The following NKAIN2 variants were observed in gnomAD, a reference collection of about 807,000 sequenced individuals.
NKAIN2 encodes the protein sodium/potassium-transporting ATPase subunit beta-1-interacting protein 2.
NKAIN2 carries 14 observed loss-of-function variants against 32.6 expected under a neutral mutation model. The observed-to-expected ratio is 0.43, with a 90% CI of 0.28 to 0.67. The LOEUF (loss-of-function observed/expected upper bound fraction) is 0.67, where lower values mean the gene tolerates loss of function less well. Among genes scored for constraint, NKAIN2 ranks in the 30% least tolerant of loss-of-function variants. The pLI is 0.17. For synonymous variants in NKAIN2, 80 were observed against 87.2 expected, an observed-to-expected ratio of 0.92 and a Z score of 0.46; for missense variants, 198 against 258.3, an observed-to-expected ratio of 0.77 and a Z score of 1.60.
In NKAIN2 at chr6:124,007,066, G is replaced by T. The variant is rs147451961; in HGVS notation, c.54+202812G>T. On this transcript the variant is annotated intron_variant, in intron 1 of 6. Transcript: ENST00000368417. The stretch of plus-strand genomic sequence containing the variant: ...TACTTACAAAAACCTCAATGGAATT[G>T]CCTACTACACACCTAGGCTATATGG... Among the ~76,000 whole-genome samples the T allele has an allele frequency of 6.2e-3, 937 of 152,236 alleles. 5 individuals are homozygous for T. Among genetic ancestry groups the T allele is most frequent in the Admixed American group, 0.01 (156 of 15,292 alleles).
At chr6:124,381,182 A>C (rs968408910) in intron 3 of NKAIN2, among the ~76,000 whole-genome samples, 13 of 152,198 alleles carry the variant, frequency 8.5e-5, no homozygotes, top group Admixed American at 7.2e-4. Flanking sequence ...ATAAAAATGT[A>C]AAGCAGTGTC....
chr6:124,350,484 G>T (rs578214244), intron 2 of NKAIN2, among the ~76,000 whole-genome samples: 71 of 152,246 alleles, frequency 4.7e-4, no homozygotes, highest in African/African-American at 1.7e-3. Flanking sequence ...ATAAATGAGA[G>T]AAAATTAATG....
intron 1 of NKAIN2, among the ~76,000 whole-genome samples, chr6:123,959,925 ATGTGTGTGTGTGTGTGTGTG>A (rs6149793): frequency 5.7e-5 from 8 of 141,362 alleles, no homozygotes; most frequent in African/African-American, 1.6e-4. Context: ...TCTTCCATAT[ATGTGTGTGTGTGTGTGTGTG>A]TGTGTGTGTG....
At chr6:123,922,159 C>A (rs1775787791) in intron 1 of NKAIN2, among the ~76,000 whole-genome samples, 1 of 152,074 alleles carries the variant, frequency 6.6e-6, no homozygotes, top group African/African-American at 2.4e-5. Context: ...AGTCGTTATT[C>A]AAAAAACCAG....
At chr6:123,909,955 A>T (rs1418904141) in intron 1 of NKAIN2, among the ~76,000 whole-genome samples, 1 of 152,102 alleles carries the variant, frequency 6.6e-6, no homozygotes, top group Non-Finnish European at 1.5e-5. Flanking sequence ...ATCTAGGCTG[A>T]AGTGAAATTT....
rs112595870 is a variant in NKAIN2 at position 124,658,343 on chromosome 6, A to G, written c.431A>G (p.Gln144Arg). 9 of 1,614,004 alleles carry G rather than the reference A, an allele frequency of 5.6e-6. No individual in the cohort carries two copies. Among genetic ancestry groups the G allele is most frequent in the Non-Finnish European group, 7.6e-6 (9 of 1,180,006 alleles). ...ITVSGCLLEY[Q>R]YIEVAHSSLQ... ...GTCTCAGGGTGTTTGCTGGAGTACC[A>G]GTACATAGAAGTGGCTCATAGTTCC... The change falls in exon 4 of 7, where the codon CAG (glutamine) becomes CGG (arginine). Residue 144 changes from glutamine (Q) to arginine (R), a missense_variant. Physicochemically the swap from Gln to Arg is conservative, Grantham distance 43. Coordinates refer to ENST00000368417, the MANE Select transcript of NKAIN2 (RefSeq NM_001040214.3).
intron 3 of NKAIN2, among the ~76,000 whole-genome samples, chr6:124,602,920 C>T (rs1782364874): frequency 6.6e-6 from 1 of 151,918 alleles, no homozygotes; most frequent in South Asian, 2.1e-4. Context: ...GATCTAAAAC[C>T]TGGCCACCTA....
intron 1 of NKAIN2, among the ~76,000 whole-genome samples, chr6:123,880,950 G>A (rs1207124636): frequency 3.3e-5 from 5 of 152,138 alleles, no homozygotes; most frequent in Admixed American, 2.0e-4. Context: ...ATATAATTCT[G>A]TAGATTTTCA....
At chr6:124,813,498 A>G (rs1165453164) in intron 5 of NKAIN2, among the ~76,000 whole-genome samples, 4 of 152,194 alleles carry the variant, frequency 2.6e-5, no homozygotes, top group Non-Finnish European at 5.9e-5. Flanking sequence ...ATGTGATTTG[A>G]TGCTTTTGAT....
At chr6:123,911,397 G>A (rs1227618390) in intron 1 of NKAIN2, among the ~76,000 whole-genome samples, 1 of 152,066 alleles carries the variant, frequency 6.6e-6, no homozygotes, top group Admixed American at 6.6e-5. Flanking sequence ...GGAAGCAAGA[G>A]AGAGAGGAGG....
intron 2 of NKAIN2, among the ~76,000 whole-genome samples, chr6:124,304,771 A>G (rs1796441606): frequency 6.6e-6 from 1 of 152,170 alleles, no homozygotes; most frequent in South Asian, 2.1e-4. Context: ...AAAATTAGCC[A>G]GGCGTGGTGG....
chr6:124,366,154 T>C (rs1490944538), intron 3 of NKAIN2, among the ~76,000 whole-genome samples: 2 of 151,982 alleles, frequency 1.3e-5, no homozygotes, highest in Admixed American at 1.3e-4. Context: ...TCAATGCATA[T>C]ACAATAGGGG....
At chr6:124,532,094 A>C (rs1779547323) in intron 3 of NKAIN2, among the ~76,000 whole-genome samples, 1 of 152,168 alleles carries the variant, frequency 6.6e-6, no homozygotes, top group African/African-American at 2.4e-5. Context: ...GGGGTGCTTG[A>C]TGTGTGCAGA....
intron 1 of NKAIN2, among the ~76,000 whole-genome samples, chr6:124,223,754 A>T (rs1292816490): frequency 1.3e-5 from 2 of 152,164 alleles, no homozygotes; most frequent in African/African-American, 2.4e-5. Context: ...CCATTTAGAC[A>T]TTCTTCCCTA....
chr6:124,518,817 G>A (rs553237060), intron 3 of NKAIN2, among the ~76,000 whole-genome samples: 14 of 152,276 alleles, frequency 9.2e-5, no homozygotes, highest in Non-Finnish European at 2.1e-4. Flanking sequence ...ATTCACATGA[G>A]CAAGAGGAAC....
intron 1 of NKAIN2, among the ~76,000 whole-genome samples, chr6:123,915,823 T>C (rs1288722535): frequency 6.6e-6 from 1 of 152,162 alleles, no homozygotes; most frequent in Non-Finnish European, 1.5e-5. Flanking sequence ...GTTTATTAAA[T>C]AAACATTTAA....
chr6:123,896,008 A>T, intron 1 of NKAIN2, among the ~76,000 whole-genome samples: 1 of 152,234 alleles, frequency 6.6e-6, no homozygotes, highest in East Asian at 1.9e-4. Flanking sequence ...ACTGTGTGTT[A>T]CATGAGTGGT....
intron 3 of NKAIN2, among the ~76,000 whole-genome samples, chr6:124,626,631 C>G (rs1783358503): frequency 6.6e-6 from 1 of 152,088 alleles, no homozygotes; most frequent in Non-Finnish European, 1.5e-5. Context: ...TTACTGATAT[C>G]AAGACAACTG....
At chr6:124,460,516 T>C (rs1308518682) in intron 3 of NKAIN2, among the ~76,000 whole-genome samples, 3 of 151,778 alleles carry the variant, frequency 2.0e-5, no homozygotes, top group African/African-American at 7.2e-5. Flanking sequence ...GATTGTTAGG[T>C]TGAAAATTCT....
Sources: allele counts gnomAD v4.1 joint callset (sites outside exome capture counted in the v4.1 genomes callset), GRCh38; gene constraint gnomAD v4.1.1; transcripts MANE v1.5; gene names NCBI Gene and HGNC (gene_info 2026-07-23, HGNC 2026-07-21).